The following PCDHGB4 variants were observed in gnomAD, a reference collection of about 807,000 sequenced individuals.
PCDHGB4 encodes protocadherin gamma-B4.
PCDHGB4 carries 38 observed loss-of-function variants against 60.5 expected under a neutral mutation model. That is an observed-to-expected ratio of 0.63 (90% CI 0.48 to 0.82). The LOEUF (loss-of-function observed/expected upper bound fraction) is 0.82. Ranked by LOEUF, PCDHGB4 falls within the 40% of genes least tolerant of loss-of-function variation. The pLI is 0.00. For missense variants in PCDHGB4, 1,109 were observed against 1,209.6 expected, an observed-to-expected ratio of 0.92 and a Z score of 1.23; for synonymous variants, 456 against 509.7, an observed-to-expected ratio of 0.89 and a Z score of 1.42.
chr5:141,502,884 A>T (rs2099816871), intron 2 of PCDHGB4, among the ~76,000 whole-genome samples: 1 of 36,804 alleles, frequency 2.7e-5, no homozygotes, highest in African/African-American at 3.5e-4. Context: ...TTTTTTTGAC[A>T]GGGAGTCTAG....
chr5:141,497,626 G>T (rs1373764805), intron 2 of PCDHGB4, among the ~76,000 whole-genome samples: 3 of 149,502 alleles, frequency 2.0e-5, no homozygotes, highest in Non-Finnish European at 4.4e-5. Flanking sequence ...TGCAACCTCT[G>T]CCTGCCAGGT....
chr5:141,482,917 C>CA (rs761402624), intron 1 of PCDHGB4, among the ~76,000 whole-genome samples: 5 of 152,042 alleles, frequency 3.3e-5, no homozygotes, highest in Non-Finnish European at 7.4e-5. Context: ...ATTAAAAATA[C>CA]AAAAAATTAG....
chr5:141,404,545 G>A (rs763601254), intron 1 of PCDHGB4: 1 of 1,613,940 alleles, frequency 6.2e-7, no homozygotes, highest in Admixed American at 1.7e-5. Context: ...TGCAAATGCA[G>A]GTGACGGCAA....
In PCDHGB4 at chr5:141,431,797, A is replaced by T. The variant is rs754056771; in HGVS notation, c.2397+41516A>T. 6.2e-7 allele frequency: 1 copy of T among 1,614,256 alleles called. No homozygotes were observed. The highest frequency in any genetic ancestry group is 2.2e-5 in the East Asian group (1 of 44,882). ...TGGACGTGAACGACAATGCCCCAGAAGTGGTCCTCACCTCTCTCGCCAGCT... is the reference window on the plus strand; with the variant it reads ...TGGACGTGAACGACAATGCCCCAGATGTGGTCCTCACCTCTCTCGCCAGCT... On this transcript the variant is annotated intron_variant, in intron 1 of 3. Coordinates refer to ENST00000519479, the MANE Select transcript of PCDHGB4 (RefSeq NM_003736.4). This position sits in a 1 kb window ranked among gnomAD's most constrained non-coding sequence, Gnocchi z 4.8.
chr5:141,418,419 A>G (rs1181055959), intron 1 of PCDHGB4: 1 of 1,613,900 alleles, frequency 6.2e-7, no homozygotes, highest in Non-Finnish European at 8.5e-7. Flanking sequence ...GACAATCCTG[A>G]TGGTGGCAAA....
intron 1 of PCDHGB4, chr5:141,399,804 G>A (rs1191609127): frequency 2.5e-6 from 4 of 1,613,224 alleles, no homozygotes; most frequent in East Asian, 2.2e-5. Flanking sequence ...CGCGGGTGCT[G>A]TACCCCGCGC....
intron 1 of PCDHGB4, among the ~76,000 whole-genome samples, chr5:141,454,649 G>A (rs1202153817): frequency 6.6e-6 from 1 of 151,800 alleles, no homozygotes; most frequent in Non-Finnish European, 1.5e-5. Context: ...CAGGTGATCT[G>A]CCCACCTCGG....
intron 1 of PCDHGB4, chr5:141,421,617 C>A (rs781622911): frequency 6.2e-7 from 1 of 1,613,768 alleles, no homozygotes; most frequent in South Asian, 1.1e-5. Flanking sequence ...TTAATGATAA[C>A]GCCCCCAGCT....
intron 1 of PCDHGB4, chr5:141,478,866 C>T (rs1392885307): frequency 1.5e-6 from 2 of 1,304,352 alleles, no homozygotes; most frequent in Non-Finnish European, 2.0e-6. Flanking sequence ...TCTCAGCGAT[C>T]AGAGTTTAGC....
At chr5:141,447,657 C>A (rs997179275) in intron 1 of PCDHGB4, among the ~76,000 whole-genome samples, 4 of 152,088 alleles carry the variant, frequency 2.6e-5, no homozygotes, top group Non-Finnish European at 4.4e-5. Context: ...TTTTCCCCCC[C>A]AGGAAGTTAG....
Position 141,432,741 on chromosome 5 carries a change from C to A in PCDHGB4, c.2397+42460C>A. 6.2e-7 allele frequency: 1 copy of A among 1,614,106 alleles called. No individual in the cohort carries two copies. The highest frequency in any genetic ancestry group is 8.5e-7 in the Non-Finnish European group (1 of 1,179,988). On this transcript the variant is annotated intron_variant, in intron 1 of 3. Transcript: ENST00000519479. The surrounding 1 kb of genome is among the most constrained non-coding windows in gnomAD (Gnocchi z 6.0). ...CCTCTCTCCGCCACTGTCACGCTCA[C>A]CGTGGCCGTGGCCGACAGCATCCCC...
At chr5:141,474,212 C>T (rs892802269) in intron 1 of PCDHGB4, among the ~76,000 whole-genome samples, 5 of 152,078 alleles carry the variant, frequency 3.3e-5, no homozygotes, top group African/African-American at 1.2e-4. Flanking sequence ...TTTCAAAAAC[C>T]AGATTGTGAA....
At chr5:141,499,168 C>T (rs1169979036) in intron 2 of PCDHGB4, among the ~76,000 whole-genome samples, 3 of 152,184 alleles carry the variant, frequency 2.0e-5, no homozygotes, top group African/African-American at 7.2e-5. Context: ...GTCTCAAGCT[C>T]TGAGCCCAGC....
At chr5:141,427,495 C>A in intron 1 of PCDHGB4, 2 of 562,648 alleles carry the variant, frequency 3.6e-6, no homozygotes, top group South Asian at 1.5e-5. Flanking sequence ...AAGCTTGTAA[C>A]AGATGGGACC....
Position 141,490,271 on chromosome 5 carries a change from A to G in PCDHGB4, c.2398-4536A>G, listed in dbSNP as rs750463186. 6.8e-6 allele frequency: 11 copies of G among 1,614,246 alleles called. No homozygotes were observed. Among genetic ancestry groups the G allele is most frequent in the Non-Finnish European group, 8.5e-6 (10 of 1,180,054 alleles). On this transcript the variant is annotated intron_variant, in intron 1 of 3. Coordinates refer to ENST00000519479, the MANE Select transcript of PCDHGB4 (RefSeq NM_003736.4). The surrounding 1 kb of genome is among the most constrained non-coding windows in gnomAD (Gnocchi z 5.4). The stretch of plus-strand genomic sequence containing the variant: ...ATTCAAGTGGATGTGGGGGATGTCA[A>G]TGACAATGCCCCAGAGGTGCTATTG...
intron 1 of PCDHGB4, chr5:141,419,989 T>C (rs778087109): frequency 4.1e-5 from 66 of 1,613,962 alleles, no homozygotes; most frequent in Non-Finnish European, 5.2e-5. Context: ...TGATTCTAGC[T>C]ATTGCTCTAC....
intron 1 of PCDHGB4, chr5:141,478,287 G>A (rs777542913): frequency 3.7e-6 from 6 of 1,614,154 alleles, no homozygotes; most frequent in Non-Finnish European, 5.1e-6. Flanking sequence ...AAGCAGTCTA[G>A]AGACCTATAC....
Position 141,511,256 on chromosome 5 carries a change from TTCAGGGC to T in PCDHGB4, c.*85_*91del. 6.4e-7 allele frequency: 1 copy of T among 1,563,506 alleles called. No individual in the cohort carries two copies. Among genetic ancestry groups the T allele is most frequent in the Non-Finnish European group, 8.7e-7 (1 of 1,154,422 alleles). The stretch of plus-strand genomic sequence containing the variant: ...CTTACCTGCACCCAGGCCTCAGAGT[TTCAGGGC>T]TAACCCCCAGAATACTGGTAGGGGC... On this transcript the variant is annotated 3_prime_UTR_variant, in exon 4 of 4. Coordinates refer to ENST00000519479, the MANE Select transcript of PCDHGB4 (RefSeq NM_003736.4).
At position 141,476,749 on chromosome 5, in the gene PCDHGB4, G is replaced by C; in HGVS notation, c.2398-18058G>C. On this transcript the variant is annotated intron_variant, in intron 1 of 3. Transcript: ENST00000519479. The surrounding 1 kb of genome is among the most constrained non-coding windows in gnomAD (Gnocchi z 7.6). ...ACCGAGAACGGGAGCCTAGTCTCCA[G>C]TTAGTGCTGACGGCGTTGGACGGAG... is the stretch of plus-strand genomic sequence containing the variant. 1.9e-6 allele frequency: 3 copies of C among 1,614,042 alleles called. No homozygotes were observed. The highest frequency in any genetic ancestry group is 2.5e-6 in the Non-Finnish European group (3 of 1,180,038).
Sources: gnomAD v4.1 joint callset for allele counts (sites outside exome capture counted in the v4.1 genomes callset) on GRCh38, gnomAD v4.1.1 for gene constraint, Gnocchi (gnomAD v3.1) non-coding constraint, MANE v1.5 for transcripts, NCBI Gene and HGNC (gene_info 2026-07-23, HGNC 2026-07-21) for gene names.